The following VMP1 variants were observed in gnomAD, a reference collection of about 807,000 sequenced individuals.
VMP1 encodes the protein vacuole membrane protein 1.
VMP1 carries 11 observed loss-of-function variants against 56.0 expected under a neutral mutation model. The ratio of observed to expected loss-of-function variants is 0.20; its 90% CI spans 0.12 to 0.32. VMP1 has a LOEUF of 0.32. Ranked by LOEUF, VMP1 falls within the 10% of genes least tolerant of loss-of-function variation. VMP1 has a pLI of 1.00. For synonymous variants in VMP1, 149 were observed against 165.0 expected (o/e 0.90, Z 0.74); for missense variants, 296 against 490.3 (o/e 0.60, Z 3.74).
chr17:59,839,592 G>A (rs2039092862), intron 11 of VMP1, 176 bp from the exon 12 acceptor site: 2 of 701,800 alleles, frequency 2.8e-6, no homozygotes, highest in Admixed American at 3.3e-5. Flanking sequence ...AATCTTGATA[G>A]TTGGGTGTAA....
At chr17:59,838,232 C>A in intron 10 of VMP1, 63 bp from the exon 11 acceptor site, 1 of 1,410,754 alleles carries the variant, frequency 7.1e-7, no homozygotes, top group Non-Finnish European at 9.9e-7. Flanking sequence ...TTTTCTTTAA[C>A]GTTTTTCCTG....
In VMP1 at chr17:59,740,619, G is replaced by A. The variant is rs573478694; in HGVS notation, c.414+1672G>A. On this transcript the variant is annotated intron_variant, in intron 5 of 11. Transcript: ENST00000262291. The stretch of plus-strand genomic sequence containing the variant: ...TTAAAACTTGGAACTTTAGAATTAT[G>A]TTCATGTTTGCTTGGTGATTTAACT... Among the ~76,000 whole-genome samples the A allele has an allele frequency of 1.1e-4, 16 of 152,266 alleles. No homozygotes were observed. In the East Asian group the frequency reaches 3.1e-3, roughly 29 times the overall value.
intron 5 of VMP1, among the ~76,000 whole-genome samples, chr17:59,740,562 A>G (rs976780863): frequency 1.3e-5 from 2 of 152,362 alleles, no homozygotes; most frequent in Non-Finnish European, 2.9e-5. Context: ...GAATTAATCT[A>G]TAATATATCA....
intron 7 of VMP1, among the ~76,000 whole-genome samples, chr17:59,789,775 A>C (rs1240212986): frequency 1.3e-5 from 2 of 151,138 alleles, no homozygotes; most frequent in African/African-American, 2.4e-5. Context: ...TGTCATGATC[A>C]ATCTGCAGTT....
chr17:59,790,075 A>G (rs1047754172), intron 7 of VMP1, among the ~76,000 whole-genome samples: 1 of 151,884 alleles, frequency 6.6e-6, no homozygotes, highest in Non-Finnish European at 1.5e-5. Flanking sequence ...ACTTGACCTC[A>G]GGTGATCCGC....
At position 59,840,644 on chromosome 17, in the gene VMP1, G is replaced by C. The variant is rs2144365874; in HGVS notation, c.*733G>C. 6.6e-6 allele frequency: 1 copy of C among 152,662 alleles called. No individual in the cohort carries two copies. The highest frequency in any genetic ancestry group is 1.9e-4 in the East Asian group (1 of 5,186). 9.5% of individuals were successfully genotyped at this position (152,662 alleles called of 1,614,324 possible). ...GATTTTTTACTTTTAGCTTATACCAGCTGAATGGCAGCCTTGCCTAATCCA... is the reference window on the plus strand; with the variant it reads ...GATTTTTTACTTTTAGCTTATACCACCTGAATGGCAGCCTTGCCTAATCCA... On this transcript the variant is annotated 3_prime_UTR_variant, in exon 12 of 12. Coordinates refer to ENST00000262291, the MANE Select transcript of VMP1 (RefSeq NM_030938.5).
intron 1 of VMP1, among the ~76,000 whole-genome samples, chr17:59,727,381 G>T (rs530618098): frequency 6.6e-6 from 1 of 152,036 alleles, no homozygotes; most frequent in Non-Finnish European, 1.5e-5. Context: ...TGATCTGCCC[G>T]CCTCAGCCTT....
chr17:59,717,234 T>C (rs1338259579), intron 1 of VMP1, among the ~76,000 whole-genome samples: 1 of 152,138 alleles, frequency 6.6e-6, no homozygotes, highest in Non-Finnish European at 1.5e-5. Context: ...CCTCCCAAAG[T>C]GCTGGGATTA....
intron 5 of VMP1, among the ~76,000 whole-genome samples, chr17:59,756,270 T>C (rs533770825): frequency 1.3e-5 from 2 of 152,308 alleles, no homozygotes; most frequent in South Asian, 2.1e-4. Context: ...TGAAGTCCCC[T>C]GAAAGAAAAC....
intron 5 of VMP1, among the ~76,000 whole-genome samples, chr17:59,741,734 C>T (rs188689721): frequency 6.6e-6 from 1 of 152,168 alleles, no homozygotes; most frequent in Non-Finnish European, 1.5e-5. Flanking sequence ...CCCATTTTTA[C>T]GTTTTTACTC....
intron 1 of VMP1, among the ~76,000 whole-genome samples, chr17:59,713,083 G>A (rs2033991352): frequency 1.3e-5 from 2 of 152,176 alleles, no homozygotes; most frequent in African/African-American, 4.8e-5. Context: ...TAGTGACTGG[G>A]TGGGTGGTTG....
At chr17:59,774,483 C>G (rs528797886) in intron 7 of VMP1, among the ~76,000 whole-genome samples, 7 of 152,142 alleles carry the variant, frequency 4.6e-5, no homozygotes, top group East Asian at 3.9e-4. Flanking sequence ...CCCTTTCCTC[C>G]CTTGAAAGCA....
At chr17:59,740,587 T>C (rs923934904) in intron 5 of VMP1, among the ~76,000 whole-genome samples, 1 of 152,240 alleles carries the variant, frequency 6.6e-6, no homozygotes, top group African/African-American at 2.4e-5. Flanking sequence ...TCCAAGTTTA[T>C]GGGAGTTTAA....
At chr17:59,782,178 G>A (rs531199693) in intron 7 of VMP1, among the ~76,000 whole-genome samples, 209 of 152,194 alleles carry the variant, frequency 1.4e-3, no homozygotes, top group African/African-American at 4.8e-3. Context: ...CAAAGTTCTG[G>A]AATTACAGGC....
intron 3 of VMP1, 156 bp downstream of exon 3, chr17:59,735,629 G>A (rs2034990265): frequency 3.8e-6 from 3 of 787,438 alleles, no homozygotes; most frequent in Non-Finnish European, 3.8e-6. Context: ...CTTTCTTTAG[G>A]TTGAAGAAAA....
At chr17:59,759,870 T>A (rs943212292) in intron 5 of VMP1, among the ~76,000 whole-genome samples, 4 of 148,164 alleles carry the variant, frequency 2.7e-5, no homozygotes, top group Non-Finnish European at 5.9e-5. Context: ...TGAGGATTTT[T>A]TTGTTTTGTT....
Position 59,840,763 on chromosome 17 carries a change from C to G in VMP1, c.*852C>G, listed in dbSNP as rs2144366362. 1 of 152,510 alleles carries G rather than the reference C, an allele frequency of 6.6e-6. No homozygotes were observed. Among genetic ancestry groups the G allele is most frequent in the Admixed American group, 6.5e-5 (1 of 15,306 alleles). 9.4% of individuals were successfully genotyped at this position (152,510 alleles called of 1,614,324 possible). On this transcript the variant is annotated 3_prime_UTR_variant, in exon 12 of 12. Transcript: ENST00000262291. ...TATGCTGAAACTGGGCTGCTGCATA[C>G]TGCTAAATGGCACCTCTGGGATTGG...
intron 5 of VMP1, among the ~76,000 whole-genome samples, chr17:59,749,711 A>C (rs1193712734): frequency 6.6e-6 from 1 of 151,926 alleles, no homozygotes; most frequent in Non-Finnish European, 1.5e-5. Flanking sequence ...GGGTTTCACC[A>C]TGTTGGCCAG....
intron 7 of VMP1, among the ~76,000 whole-genome samples, chr17:59,794,657 G>A (rs2037371822): frequency 6.7e-6 from 1 of 148,596 alleles, no homozygotes; most frequent in Non-Finnish European, 1.5e-5. Flanking sequence ...GGGCGAGAGA[G>A]CACTGTATGT....
Sources: gnomAD v4.1 joint callset for allele counts (sites outside exome capture counted in the v4.1 genomes callset) on GRCh38, gnomAD v4.1.1 for gene constraint, MANE v1.5 for transcripts, NCBI Gene and HGNC (gene_info 2026-07-23, HGNC 2026-07-21) for gene names.